Variants in SIN3B observed in about 807,000 individuals in gnomAD.
The protein encoded by SIN3B is paired amphipathic helix protein Sin3b.
A neutral mutation model predicts 120.2 loss-of-function variants in SIN3B; 19 were observed. That is an observed-to-expected ratio of 0.16 (90% confidence interval 0.11 to 0.23). SIN3B has a LOEUF of 0.23. Among genes scored for constraint, SIN3B ranks in the 10% least tolerant of loss-of-function variants. The pLI, the probability that SIN3B is intolerant of heterozygous loss-of-function variation, is 1.00. For synonymous variants in SIN3B, 654 were observed against 653.2 expected (o/e 1.00, Z -0.02); for missense variants, 1,073 against 1,573.0 (o/e 0.68, Z 5.38).
rs748740998 is a variant in SIN3B at position 16,878,510 on chromosome 19, T to G, written c.3176T>G (p.Val1059Gly). 5.0e-5 allele frequency: 79 copies of G among 1,576,216 alleles called. No homozygotes were observed. Among genetic ancestry groups the G allele is most frequent in the Non-Finnish European group, 6.5e-5 (76 of 1,161,458 alleles). ...CCTCTTCAACAGGTGCAGCCCCTGG[T>G]CCTGCTCCGCCACCACCAGCACTTT... ...LCRAKQVQPLVLLRHHQHFEE... is the reference protein window; with the variant it reads ...LCRAKQVQPLGLLRHHQHFEE... The change falls in exon 19 of 19, where the codon GTC (valine) becomes GGC (glycine). Residue 1059 changes from valine (V) to glycine (G), a missense_variant. By Grantham distance (109) the Val-to-Gly change is moderately radical (BLOSUM62 -3). Coordinates refer to ENST00000248054, the MANE Select transcript of SIN3B (RefSeq NM_001297595.2).
At position 16,853,656 on chromosome 19, in the gene SIN3B, T is replaced by C. The variant is rs73523446; in HGVS notation, c.940-487T>C. On this transcript the variant is annotated intron_variant, in intron 7 of 18. Coordinates refer to ENST00000248054, the MANE Select transcript of SIN3B (RefSeq NM_001297595.2). ...ATGGCATGCATGGGCTGTGAATTGC[T>C]GCATGGATTGCGTGCATGGGCTGTG... Among the ~76,000 whole-genome samples the C allele has an allele frequency of 2.2e-3, 337 of 151,418 alleles. 1 individual carries two copies. The highest frequency in any genetic ancestry group is 7.3e-3 in the African/African-American group (300 of 41,034).
At chr19:16,865,312 C>CCG (rs1555743006) in intron 10 of SIN3B, 98 bp from the exon 11 acceptor site, 5 of 558,388 alleles carry the variant, frequency 9.0e-6, no homozygotes, top group Non-Finnish European at 1.6e-5. Flanking sequence ...ACACACCCCC[C>CCG]CCCCAAAAAA....
chr19:16,837,050 A>G (rs1348274770), intron 3 of SIN3B, among the ~76,000 whole-genome samples: 1 of 152,008 alleles, frequency 6.6e-6, no homozygotes, highest in Non-Finnish European at 1.5e-5. Flanking sequence ...GAGAGGGCAG[A>G]GAGAGGATGG....
chr19:16,830,370 G>A (rs977709486), intron 2 of SIN3B, among the ~76,000 whole-genome samples: 1 of 152,104 alleles, frequency 6.6e-6, no homozygotes, highest in Non-Finnish European at 1.5e-5. Context: ...GAAGTAAGAC[G>A]CATAAAATGC....
At chr19:16,870,540 A>G (rs1484500914) in intron 13 of SIN3B, among the ~76,000 whole-genome samples, 1 of 151,684 alleles carries the variant, frequency 6.6e-6, no homozygotes, top group African/African-American at 2.4e-5. Flanking sequence ...GCTCACCACC[A>G]TGCCTGGCTC....
intron 4 of SIN3B, among the ~76,000 whole-genome samples, chr19:16,845,427 C>G (rs1464207686): frequency 6.6e-6 from 1 of 152,166 alleles, no homozygotes; most frequent in African/African-American, 2.4e-5. Context: ...CACGCGCCCC[C>G]ACACCCGGGT....
At chr19:16,875,146 TTGGTCTGGTTTGGGTC>T (rs1199816859) in intron 14 of SIN3B, among the ~76,000 whole-genome samples, 3 of 148,442 alleles carry the variant, frequency 2.0e-5, no homozygotes, top group Admixed American at 2.0e-4. Flanking sequence ...TGGTCTGGTT[TTGGTCTGGTTTGGGTC>T]TGGTCTGGTC....
Position 16,876,265 on chromosome 19 carries a change from G to A in SIN3B, c.2766+37G>A, listed in dbSNP as rs771994209. 6.3e-7 allele frequency: 1 copy of A among 1,585,748 alleles called. No homozygotes were observed. Among genetic ancestry groups the A allele is most frequent in the African/African-American group, 1.3e-5 (1 of 74,616 alleles). ...CCTGGGGCTGGGAACACGCCGGGAGGCCCGGCCGCTCACTCCGCTCTGGAC... is the reference window on the plus strand; with the variant it reads ...CCTGGGGCTGGGAACACGCCGGGAGACCCGGCCGCTCACTCCGCTCTGGAC... On this transcript the variant is annotated intron_variant, in intron 15 of 18. Transcript: ENST00000248054. The surrounding 1 kb of genome is among the most constrained non-coding windows in gnomAD (Gnocchi z 7.1).
At chr19:16,842,017 T>G (rs776274708) in intron 4 of SIN3B, 49 bp downstream of exon 4, 8 of 1,431,640 alleles carry the variant, frequency 5.6e-6, no homozygotes, top group Middle Eastern at 1.8e-4. Flanking sequence ...TTCATCCAGT[T>G]TGGGGCCCTG....
chr19:16,857,715 C>T (rs1456569857), intron 8 of SIN3B, among the ~76,000 whole-genome samples: 1 of 152,176 alleles, frequency 6.6e-6, no homozygotes, highest in African/African-American at 2.4e-5. Flanking sequence ...ATTCCAGTCC[C>T]TGCCCCTCAC....
chr19:16,869,485 G>A lies in SIN3B; in HGVS notation c.1832G>A (p.Arg611His), dbSNP rs761732809. The A allele has an allele frequency of 9.3e-6, 15 of 1,610,950 alleles. No individual in the cohort carries two copies. Among genetic ancestry groups the A allele is most frequent in the South Asian group, 3.3e-5 (3 of 90,980 alleles). ...CACCAGGAGCAGCACTCGGAGGGCC[G>A]CAGTGCCCCCTCTAGCGAGCCGCAC... ...DEHQEQHSEG[R>H]SAPSSEPHLI... The change falls in exon 13 of 19, where the codon CGC (arginine) becomes CAC (histidine). Residue 611 changes from arginine to histidine, a missense_variant. Physicochemically the swap from Arg to His is conservative, Grantham distance 29 (BLOSUM62 0). Coordinates refer to ENST00000248054, the MANE Select transcript of SIN3B (RefSeq NM_001297595.2).
At chr19:16,871,468 C>A in intron 14 of SIN3B, 70 bp downstream of exon 14, 1 of 1,446,136 alleles carries the variant, frequency 6.9e-7, no homozygotes, top group Non-Finnish European at 9.4e-7. Context: ...TCACTCCCCG[C>A]TCGGGAGGGG....
At chr19:16,851,830 ACT>A (rs1971550149) in intron 6 of SIN3B, among the ~76,000 whole-genome samples, 1 of 151,946 alleles carries the variant, frequency 6.6e-6, no homozygotes, top group Admixed American at 6.6e-5. Flanking sequence ...CACCCTCAGG[ACT>A]CTCTCACAGG....
In SIN3B at chr19:16,838,915, G is replaced by A. The variant is rs1051890772; in HGVS notation, c.382-2853G>A. On this transcript the variant is annotated intron_variant, in intron 3 of 18. Coordinates refer to ENST00000248054, the MANE Select transcript of SIN3B (RefSeq NM_001297595.2). Reference sequence around the variant, plus strand: ...TCTTGAACTCCTGACCTCGTGATCCGCCATCCTTGGCCTCCCAAAGTGCTG... The same window carrying A: ...TCTTGAACTCCTGACCTCGTGATCCACCATCCTTGGCCTCCCAAAGTGCTG... Among the ~76,000 whole-genome samples, 4 of 143,100 alleles carry A rather than the reference G, an allele frequency of 2.8e-5. No homozygotes were observed. The South Asian group carries it at 8.9e-4, about 32-fold the overall frequency. The allele number at this position is 143,100 out of a possible 152,430, so 93.9% of individuals were successfully genotyped here. A position where few individuals can be genotyped will look rare whatever the true frequency, so the allele number is the denominator to read the frequency against.
chr19:16,875,914 T>C lies in SIN3B; in HGVS notation c.2593-141T>C, dbSNP rs112986511. ...TTTGGTCTGGTCTGCCCACAGCCTG[T>C]CAGGATTCTGGTCTCTTCATCCCTG... is the stretch of plus-strand genomic sequence containing the variant. On this transcript the variant is annotated intron_variant, in intron 14 of 18. Transcript: ENST00000248054. 3,182 of 1,043,922 alleles carry C rather than the reference T, an allele frequency of 3.0e-3. 82 individuals are homozygous for C. The African/African-American group carries it at 0.046, about 15-fold the overall frequency. 64.7% of individuals were successfully genotyped at this position (1,043,922 alleles called of 1,614,324 possible).
rs757486941 is a variant in SIN3B, at chr19:16,831,456, C to T, written c.228-38C>T. ...AATAGATTATATTTTTCATTTATTT[C>T]CCAAGACCCTTTTGCCCACTTCCGT... is the stretch of plus-strand genomic sequence containing the variant. On this transcript the variant is annotated intron_variant, in intron 2 of 18. Transcript: ENST00000248054. 1.1e-5 allele frequency: 18 copies of T among 1,600,888 alleles called. No individual in the cohort carries two copies. The East Asian group carries it at 3.8e-4, about 34-fold the overall frequency.
chr19:16,877,654 G>A lies in SIN3B; in HGVS notation c.2954+15G>A. 1 of 1,566,670 alleles carries A rather than the reference G, an allele frequency of 6.4e-7. No individual in the cohort carries two copies. The highest frequency in any genetic ancestry group is 1.1e-5 in the South Asian group (1 of 87,450). On this transcript the variant is annotated intron_variant, in intron 17 of 18. Coordinates refer to ENST00000248054, the MANE Select transcript of SIN3B (RefSeq NM_001297595.2). Reference sequence around the variant, plus strand: ...TTCCTGCAGAGGTAAGAGGCCCTGAGATGCATGCTCTGTTCCTTCCTTCCT... The same window carrying A: ...TTCCTGCAGAGGTAAGAGGCCCTGAAATGCATGCTCTGTTCCTTCCTTCCT...
At chr19:16,863,511 A>G in intron 9 of SIN3B, 169 bp from the exon 10 acceptor site, 2 of 615,706 alleles carry the variant, frequency 3.2e-6, no homozygotes, top group Non-Finnish European at 5.9e-6. Context: ...CCACTTGACC[A>G]AAGTCATGTT....
chr19:16,839,024 A>C (rs1181022676), intron 3 of SIN3B, among the ~76,000 whole-genome samples: 1 of 117,398 alleles, frequency 8.5e-6, no homozygotes, highest in Non-Finnish European at 1.6e-5. Context: ...CCCAGGCTGG[A>C]GTGCGGTGGT....
Sources: allele counts gnomAD v4.1 joint callset (sites outside exome capture counted in the v4.1 genomes callset), GRCh38; gene constraint gnomAD v4.1.1; non-coding constraint Gnocchi (gnomAD v3.1); transcripts MANE v1.5; gene names NCBI Gene and HGNC (gene_info 2026-07-23, HGNC 2026-07-21).